DLGAP2: variants seen among roughly 807,000 people sequenced by gnomAD.
DLGAP2 encodes the protein DLG associated protein 2.
A neutral mutation model predicts 100.3 loss-of-function variants in DLGAP2; 26 were observed. The ratio of observed to expected loss-of-function variants is 0.26; its 90% CI spans 0.19 to 0.36. The LOEUF (loss-of-function observed/expected upper bound fraction) is 0.36, where lower values mean the gene tolerates loss of function less well. DLGAP2 is among the 10% of genes least tolerant of loss of function. DLGAP2 has a pLI of 1.00. For missense variants in DLGAP2, 1,858 were observed against 1,453.2 expected (o/e 1.28, Z -4.53); for synonymous variants, 886 against 630.1 (o/e 1.41, Z -6.08).
chr8:1,246,078 G>A (rs62487832), intron 2 of DLGAP2, among the ~76,000 whole-genome samples: 30,098 of 152,138 alleles, frequency 0.2, 3,572 homozygotes, highest in African/African-American at 0.32. Flanking sequence ...TTTTAATACA[G>A]AGTAAGCCAT....
intron 3 of DLGAP2, among the ~76,000 whole-genome samples, chr8:1,354,236 T>C (rs554883035): frequency 1.3e-5 from 2 of 152,340 alleles, no homozygotes; most frequent in Admixed American, 6.5e-5. Flanking sequence ...CCAGGCACGG[T>C]GGCTCAAACC....
chr8:1,209,669 A>C (rs908493894), intron 2 of DLGAP2, among the ~76,000 whole-genome samples: 6 of 152,130 alleles, frequency 3.9e-5, no homozygotes, highest in African/African-American at 9.7e-5. Flanking sequence ...TATTCCAAGC[A>C]CTCTTAGAAT....
chr8:1,213,357 C>T (rs956317140), intron 2 of DLGAP2, among the ~76,000 whole-genome samples: 1 of 151,880 alleles, frequency 6.6e-6, no homozygotes, highest in Non-Finnish European at 1.5e-5. Context: ...CATCAAATGC[C>T]TTTCCACTGT....
intron 3 of DLGAP2, among the ~76,000 whole-genome samples, chr8:1,430,523 G>A (rs1009859628): frequency 2.6e-5 from 4 of 152,154 alleles, no homozygotes; most frequent in African/African-American, 9.7e-5. Flanking sequence ...AGGTCTACAG[G>A]CCTTGTAGCT....
chr8:832,676 T>A (rs1352926111), intron 1 of DLGAP2, among the ~76,000 whole-genome samples: 1 of 152,252 alleles, frequency 6.6e-6, no homozygotes, highest in Non-Finnish European at 1.5e-5. Flanking sequence ...AACACTTATG[T>A]TAAAGCTTTA....
At chr8:1,350,258 G>GTGTGCGTGGAAAGGCCGTGCGGGTCCTGA (rs1563099040) in intron 3 of DLGAP2, among the ~76,000 whole-genome samples, 15 of 68,146 alleles carry the variant, frequency 2.2e-4, no homozygotes, top group African/African-American at 2.4e-4. Flanking sequence ...CGGGTCCTGA[G>GTGTGCGTGGAAAGGCCGTGCGGGTCCTGA]CATGTGTGGA....
intron 2 of DLGAP2, among the ~76,000 whole-genome samples, chr8:1,023,360 G>A (rs1275964178): frequency 2.0e-5 from 3 of 152,094 alleles, no homozygotes; most frequent in South Asian, 4.1e-4. Context: ...AATATGTAGA[G>A]GGGGTGTTCG....
At chr8:1,536,812 T>C (rs1801168131) in intron 4 of DLGAP2, among the ~76,000 whole-genome samples, 1 of 152,240 alleles carries the variant, frequency 6.6e-6, no homozygotes, top group Non-Finnish European at 1.5e-5. Context: ...ATTCAAATAT[T>C]TCACTTTGAC....
intron 2 of DLGAP2, among the ~76,000 whole-genome samples, chr8:1,013,011 G>A (rs1563143826): frequency 6.6e-6 from 1 of 152,172 alleles, no homozygotes; most frequent in African/African-American, 2.4e-5. Flanking sequence ...CTGTGGACTA[G>A]GAAGGTGTTT....
intron 3 of DLGAP2, among the ~76,000 whole-genome samples, chr8:1,426,091 C>T (rs376344527): frequency 4.6e-4 from 70 of 152,232 alleles, no homozygotes; most frequent in African/African-American, 1.5e-3. Context: ...CGGGAGAAAG[C>T]GTCAGGGTAG....
At chr8:1,448,618 C>T (rs1399653106) in intron 3 of DLGAP2, among the ~76,000 whole-genome samples, 1 of 152,148 alleles carries the variant, frequency 6.6e-6, no homozygotes, top group Non-Finnish European at 1.5e-5. Flanking sequence ...TGCTTATGTA[C>T]TCAAACAAAC....
intron 6 of DLGAP2, among the ~76,000 whole-genome samples, chr8:1,598,712 C>T (rs944820656): frequency 6.6e-6 from 1 of 152,054 alleles, no homozygotes. Flanking sequence ...GTGGTGATCT[C>T]CCCTTTATCA....
Position 1,238,574 on chromosome 8 carries a change from C to A in DLGAP2, c.74-20277C>A, listed in dbSNP as rs1389483733. ...TGCCGTGTCTAGTTCTCTCCCATGG[C>A]GCCGTGTCTAGTTACCTATCACATG... On this transcript the variant is annotated intron_variant, in intron 2 of 14. Transcript: ENST00000637795. Among the ~76,000 whole-genome samples the A allele has an allele frequency of 4.7e-3, 314 of 66,672 alleles. 6 individuals carry two copies. The highest frequency in any genetic ancestry group is 0.019 in the African/African-American group (288 of 15,480). The allele number at this position is 66,672 out of a possible 152,430, so 43.7% of individuals were successfully genotyped here. A position where few individuals can be genotyped will look rare whatever the true frequency, so the allele number is the denominator to read the frequency against.
chr8:954,773 T>C (rs149785207), intron 2 of DLGAP2, among the ~76,000 whole-genome samples: 21 of 152,302 alleles, frequency 1.4e-4, no homozygotes, highest in African/African-American at 4.8e-4. Flanking sequence ...GGGAAGAAGA[T>C]GGCCAGGGAG....
At chr8:1,058,597 G>T (rs944150408) in intron 2 of DLGAP2, among the ~76,000 whole-genome samples, 1 of 152,210 alleles carries the variant, frequency 6.6e-6, no homozygotes, top group Non-Finnish European at 1.5e-5. Context: ...GGGAGCAGGG[G>T]GAAGCCTGGC....
At chr8:1,047,709 T>C (rs902314152) in intron 2 of DLGAP2, among the ~76,000 whole-genome samples, 2 of 152,078 alleles carry the variant, frequency 1.3e-5, no homozygotes, top group Admixed American at 1.3e-4. Context: ...GGCGGGTCTC[T>C]GTGGCCTTTT....
chr8:928,018 C>A (rs1404877685), intron 2 of DLGAP2, among the ~76,000 whole-genome samples: 1 of 152,164 alleles, frequency 6.6e-6, no homozygotes, highest in Non-Finnish European at 1.5e-5. Context: ...GGATGCCGGC[C>A]AGCCATGGGG....
At chr8:796,707 C>T (rs1796043479) in intron 1 of DLGAP2, among the ~76,000 whole-genome samples, 1 of 152,312 alleles carries the variant, frequency 6.6e-6, no homozygotes, top group South Asian at 2.1e-4. Context: ...GGCTGGACCT[C>T]TAGTGTGTAG....
intron 3 of DLGAP2, among the ~76,000 whole-genome samples, chr8:1,480,227 G>C (rs559400267): frequency 6.6e-6 from 1 of 152,136 alleles, no homozygotes; most frequent in African/African-American, 2.4e-5. Flanking sequence ...CTAGATGTAG[G>C]TTTTCAGTCT....
Sources: allele counts gnomAD v4.1 joint callset (sites outside exome capture counted in the v4.1 genomes callset), GRCh38; gene constraint gnomAD v4.1.1; transcripts MANE v1.5; gene names NCBI Gene and HGNC (gene_info 2026-07-23, HGNC 2026-07-21).